The following CAMTA1 variants were observed in gnomAD, a reference collection of about 807,000 sequenced individuals.
The protein encoded by CAMTA1 is calmodulin binding transcription activator 1.
Under a neutral mutation model 170.9 loss-of-function variants are expected in CAMTA1, and 27 were observed. The observed-to-expected ratio is 0.16, with a 90% CI of 0.12 to 0.22. CAMTA1 has a LOEUF of 0.22. Ranked by LOEUF, CAMTA1 falls within the 10% of genes least tolerant of loss-of-function variation. The probability of loss-of-function intolerance (pLI) is 1.00; values close to 1 mark genes in which losing one functional copy is unlikely to be tolerated. For missense variants in CAMTA1, 1,619 were observed against 2,217.2 expected (o/e 0.73, Z 5.42); for synonymous variants, 833 against 891.5 (o/e 0.93, Z 1.17).
chr1:6,842,968 AT>A (rs1384063172), intron 3 of CAMTA1, among the ~76,000 whole-genome samples: 7 of 152,252 alleles, frequency 4.6e-5, no homozygotes, highest in African/African-American at 1.7e-4. Context: ...GGAGGGGAAC[AT>A]TTGTAATAGG....
chr1:7,621,901 G>A (rs1030982299), intron 6 of CAMTA1, among the ~76,000 whole-genome samples: 2 of 152,208 alleles, frequency 1.3e-5, no homozygotes, highest in Non-Finnish European at 2.9e-5. Flanking sequence ...CGGCTCCCTG[G>A]CGCCTCTAGA....
intron 6 of CAMTA1, among the ~76,000 whole-genome samples, chr1:7,608,771 G>C (rs2095503690): frequency 6.6e-6 from 1 of 152,104 alleles, no homozygotes; most frequent in South Asian, 2.1e-4. Flanking sequence ...TTGACAATCT[G>C]TCATCTGCTT....
chr1:7,288,227 G>T (rs1672627098), intron 5 of CAMTA1, among the ~76,000 whole-genome samples: 1 of 152,184 alleles, frequency 6.6e-6, no homozygotes, highest in Non-Finnish European at 1.5e-5. Context: ...TGGGCACCGT[G>T]GGGGTATGAG....
At position 7,674,327 on chromosome 1, in the gene CAMTA1, T is replaced by C. The variant is rs1274445198; in HGVS notation, c.2780-3272T>C. 7.0e-6 allele frequency among the ~76,000 whole-genome samples: 1 copy of C among 143,582 alleles called. No homozygotes were observed. Among genetic ancestry groups the C allele is most frequent in the East Asian group, 2.0e-4 (1 of 5,110 alleles). The allele number at this position is 143,582 out of a possible 152,430, so 94.2% of individuals were successfully genotyped here. The stretch of plus-strand genomic sequence containing the variant: ...GAGGGAGCCCACCAAGTTAGGGCAG[T>C]GAGCTGAGGGCAGTGAGCAGCAGTG... On this transcript the variant is annotated intron_variant, in intron 10 of 22. Coordinates refer to ENST00000303635, the MANE Select transcript of CAMTA1 (RefSeq NM_015215.4). This position sits in a 1 kb window ranked among gnomAD's most constrained non-coding sequence, Gnocchi z 4.1.
chr1:7,486,369 G>A (rs1244786579), intron 6 of CAMTA1, among the ~76,000 whole-genome samples: 1 of 152,190 alleles, frequency 6.6e-6, no homozygotes, highest in African/African-American at 2.4e-5. Flanking sequence ...CTGCTTTCAT[G>A]AGCCAGTACA....
At chr1:6,879,611 T>G (rs1557752126) in intron 3 of CAMTA1, among the ~76,000 whole-genome samples, 1 of 135,692 alleles carries the variant, frequency 7.4e-6, no homozygotes, top group East Asian at 1.9e-4. Flanking sequence ...TTTTCCTTTT[T>G]TCTTTTTTTT....
intron 3 of CAMTA1, among the ~76,000 whole-genome samples, chr1:6,874,771 G>C (rs1669355772): frequency 6.6e-6 from 1 of 152,104 alleles, no homozygotes; most frequent in South Asian, 2.1e-4. Context: ...GGCTATGGAG[G>C]GACAAGGAAG....
intron 3 of CAMTA1, among the ~76,000 whole-genome samples, chr1:6,973,357 A>G (rs1692870024): frequency 6.6e-6 from 1 of 152,212 alleles, no homozygotes; most frequent in Non-Finnish European, 1.5e-5. Context: ...GATACCTCAC[A>G]TAAGGAGAAT....
rs2093147115 is a variant in CAMTA1 at position 7,463,752 on chromosome 1, A to G, written c.439-4078A>G. Among the ~76,000 whole-genome samples, 1 of 152,200 alleles carries G rather than the reference A, an allele frequency of 6.6e-6. No individual in the cohort carries two copies. Among genetic ancestry groups the G allele is most frequent in the African/African-American group, 2.4e-5 (1 of 41,464 alleles). ...GCTGGCCGGGAAGGGAGGTGCCCAC[A>G]ACATACCAACCTATAAGTGATGTGC... On this transcript the variant is annotated intron_variant, in intron 5 of 22. Coordinates refer to ENST00000303635, the MANE Select transcript of CAMTA1 (RefSeq NM_015215.4). The surrounding 1 kb of genome is among the most constrained non-coding windows in gnomAD (Gnocchi z 4.7).
At position 7,584,615 on chromosome 1, in the gene CAMTA1, T is replaced by C. The variant is rs899106413; in HGVS notation, c.511-55785T>C. ...GGGGTAGACACCACTGGATGCTGGG[T>C]ATGCAGCAGAGAACAGAAGAACAGG... On this transcript the variant is annotated intron_variant, in intron 6 of 22. Coordinates refer to ENST00000303635, the MANE Select transcript of CAMTA1 (RefSeq NM_015215.4). Among the ~76,000 whole-genome samples, 3 of 152,130 alleles carry C rather than the reference T, an allele frequency of 2.0e-5. No homozygotes were observed. The East Asian group carries it at 5.8e-4, about 29-fold the overall frequency.
intron 2 of CAMTA1, 141 bp from the exon 3 acceptor site, chr1:6,824,949 ATT>A: frequency 2.0e-6 from 1 of 510,928 alleles, no homozygotes. Flanking sequence ...AATGAGTATT[ATT>A]AACTAAGAGG....
chr1:6,894,578 G>C (rs1165371567), intron 3 of CAMTA1, among the ~76,000 whole-genome samples: 1 of 152,226 alleles, frequency 6.6e-6, no homozygotes, highest in African/African-American at 2.4e-5. Context: ...AGCTGCCGCT[G>C]TGCTGATTTG....
At position 7,113,009 on chromosome 1, in the gene CAMTA1, G is replaced by A. The variant is rs999779870; in HGVS notation, c.302+21638G>A. Among the ~76,000 whole-genome samples, 2 of 152,150 alleles carry A rather than the reference G, an allele frequency of 1.3e-5. No individual in the cohort carries two copies. The highest frequency in any genetic ancestry group is 6.5e-5 in the Admixed American group (1 of 15,286). ...TGGAAACCTTTCCCGGCAGCCTCAC[G>A]TCTGCTTTTCAGGTACTCTGGTTCC... On this transcript the variant is annotated intron_variant, in intron 4 of 22. Coordinates refer to ENST00000303635, the MANE Select transcript of CAMTA1 (RefSeq NM_015215.4). The surrounding 1 kb of genome is among the most constrained non-coding windows in gnomAD (Gnocchi z 4.5).
At chr1:7,498,584 TGTGTGTGTAC>T (rs1454538909) in intron 6 of CAMTA1, among the ~76,000 whole-genome samples, 1 of 152,006 alleles carries the variant, frequency 6.6e-6, no homozygotes. Context: ...TGCATGTGCA[TGTGTGTGTAC>T]GTGTGAGTGT....
intron 5 of CAMTA1, among the ~76,000 whole-genome samples, chr1:7,281,387 CAA>C (rs1321445618): frequency 6.6e-6 from 1 of 152,112 alleles, no homozygotes; most frequent in Admixed American, 6.5e-5. Context: ...GTTGTAGAAA[CAA>C]GAGTAAAACC....
intron 4 of CAMTA1, among the ~76,000 whole-genome samples, chr1:7,203,506 T>A (rs1289828517): frequency 4.5e-5 from 6 of 133,930 alleles, no homozygotes; most frequent in Non-Finnish European, 9.7e-5. Flanking sequence ...TTTTTTTTTT[T>A]AAATTGCCTA....
intron 6 of CAMTA1, among the ~76,000 whole-genome samples, chr1:7,519,482 T>C (rs1308387636): frequency 1.3e-5 from 2 of 151,934 alleles, no homozygotes; most frequent in Non-Finnish European, 2.9e-5. Flanking sequence ...GCCTTGGAGA[T>C]GCAGGCAGGG....
intron 3 of CAMTA1, among the ~76,000 whole-genome samples, chr1:6,908,244 C>T (rs1678971083): frequency 6.6e-6 from 1 of 152,224 alleles, no homozygotes; most frequent in Non-Finnish European, 1.5e-5. Flanking sequence ...TGCCAAGGCA[C>T]ACGCAGAGGG....
Position 7,476,388 on chromosome 1 carries a change from G to T in CAMTA1, c.510+8487G>T, listed in dbSNP as rs1377747720. Among the ~76,000 whole-genome samples, 3 of 152,318 alleles carry T rather than the reference G, an allele frequency of 2.0e-5. No individual in the cohort carries two copies. In the East Asian group the frequency reaches 5.8e-4, roughly 29 times the overall value. ...GATCCAGAGAAGGAGACACAGAATGGGCGGGGCGGTCAGGGGAGGCTTCCT... is the reference window on the plus strand; with the variant it reads ...GATCCAGAGAAGGAGACACAGAATGTGCGGGGCGGTCAGGGGAGGCTTCCT... On this transcript the variant is annotated intron_variant, in intron 6 of 22. Transcript: ENST00000303635.
Sources: gnomAD v4.1 joint callset for allele counts (sites outside exome capture counted in the v4.1 genomes callset) on GRCh38, gnomAD v4.1.1 for gene constraint, Gnocchi (gnomAD v3.1) non-coding constraint, MANE v1.5 for transcripts, NCBI Gene and HGNC (gene_info 2026-07-23, HGNC 2026-07-21) for gene names.